The following ST6GAL2 variants were observed in gnomAD, a reference collection of about 807,000 sequenced individuals.
The protein encoded by ST6GAL2 is beta-galactoside alpha-2,6-sialyltransferase 2.
In ST6GAL2, 24 loss-of-function variants were observed where a neutral mutation model predicts 37.5. That is an observed-to-expected ratio of 0.64 (90% confidence interval 0.46 to 0.90). The LOEUF (loss-of-function observed/expected upper bound fraction) is 0.90, where lower values mean the gene tolerates loss of function less well. ST6GAL2 is among the 40% of genes least tolerant of loss of function. The pLI, the probability that ST6GAL2 is intolerant of heterozygous loss-of-function variation, is 0.00. For missense variants in ST6GAL2, 715 were observed against 712.7 expected (o/e 1.00, Z -0.04); for synonymous variants, 306 against 295.1 (o/e 1.04, Z -0.38).
chr2:106,837,530 T>A (rs1229874219), intron 2 of ST6GAL2, among the ~76,000 whole-genome samples: 1 of 152,172 alleles, frequency 6.6e-6, no homozygotes, highest in African/African-American at 2.4e-5. Flanking sequence ...TTCCCACTGC[T>A]AAGCTAGGGA....
intron 5 of ST6GAL2, among the ~76,000 whole-genome samples, chr2:106,817,913 T>G (rs1194917745): frequency 6.6e-6 from 1 of 152,028 alleles, no homozygotes; most frequent in Non-Finnish European, 1.5e-5. Flanking sequence ...GGGCCTTAAA[T>G]GTACATTGGT....
At chr2:106,880,578 C>T (rs1474979573) in intron 1 of ST6GAL2, among the ~76,000 whole-genome samples, 3 of 152,200 alleles carry the variant, frequency 2.0e-5, no homozygotes, top group Non-Finnish European at 4.4e-5. Context: ...CATTCACATT[C>T]ACATATATGT....
At chr2:106,812,447 C>T (rs529613861) in intron 5 of ST6GAL2, among the ~76,000 whole-genome samples, 5 of 152,314 alleles carry the variant, frequency 3.3e-5, no homozygotes, top group African/African-American at 1.2e-4. Flanking sequence ...GCAGTCTCTG[C>T]CTGGCATGTA....
intron 2 of ST6GAL2, among the ~76,000 whole-genome samples, chr2:106,841,897 G>A (rs1446962103): frequency 6.6e-5 from 10 of 152,254 alleles, no homozygotes; most frequent in Non-Finnish European, 1.5e-4. Context: ...AATGTTGTGT[G>A]CCATCTTGGC....
At chr2:106,881,153 T>A (rs1017771326) in intron 1 of ST6GAL2, among the ~76,000 whole-genome samples, 1 of 151,990 alleles carries the variant, frequency 6.6e-6, no homozygotes, top group Admixed American at 6.6e-5. Flanking sequence ...ACCTAGCTAA[T>A]TTTTGAAAAT....
At chr2:106,874,263 G>A (rs1276090200) in intron 1 of ST6GAL2, among the ~76,000 whole-genome samples, 1 of 152,146 alleles carries the variant, frequency 6.6e-6, no homozygotes, top group East Asian at 1.9e-4. Context: ...GTGTGTGTCA[G>A]AAAAGGCTTG....
At position 106,814,995 on chromosome 2, in the gene ST6GAL2, T is replaced by C. The variant is rs571707408; in HGVS notation, c.1319-8046A>G. ...GTTGTTCCAAAGAAACGAGTCCTTA[T>C]GGATCATCTAAATTACCCTGATTCA... On this transcript the variant is annotated intron_variant, in intron 5 of 5. Coordinates refer to ENST00000409382, the MANE Select transcript of ST6GAL2 (RefSeq NM_001142351.2). 4.6e-5 allele frequency among the ~76,000 whole-genome samples: 7 copies of C among 152,330 alleles called. No homozygotes were observed. The South Asian group carries it at 1.0e-3, about 23-fold the overall frequency.
rs1209309292 is a variant in ST6GAL2 at position 106,803,456 on chromosome 2, GA to G, written c.*3221del. 2.0e-5 allele frequency: 3 copies of G among 152,188 alleles called. No individual in the cohort carries two copies. The highest frequency in any genetic ancestry group is 4.4e-5 in the Non-Finnish European group (3 of 68,046). 9.4% of individuals were successfully genotyped at this position (152,188 alleles called of 1,614,324 possible). On this transcript the variant is annotated 3_prime_UTR_variant, in exon 6 of 6. Coordinates refer to ENST00000409382, the MANE Select transcript of ST6GAL2 (RefSeq NM_001142351.2). ...GAGCAGCTCTATAAGGACATAGTGA[GA>G]AAGGTCAGCTCCCTGGGACGAGCAT...
intron 1 of ST6GAL2, among the ~76,000 whole-genome samples, chr2:106,878,481 G>T (rs1029181095): frequency 6.6e-6 from 1 of 151,936 alleles, no homozygotes; most frequent in African/African-American, 2.4e-5. Context: ...CAAAGACCAG[G>T]CTGAGCGTGG....
At chr2:106,857,782 G>T (rs1677636917) in intron 1 of ST6GAL2, among the ~76,000 whole-genome samples, 1 of 152,054 alleles carries the variant, frequency 6.6e-6, no homozygotes, top group Admixed American at 6.5e-5. Context: ...TCTGTCCGTA[G>T]AGTGGCCTCT....
At chr2:106,840,035 G>C (rs73949780) in intron 2 of ST6GAL2, among the ~76,000 whole-genome samples, 2 of 152,306 alleles carry the variant, frequency 1.3e-5, no homozygotes, top group African/African-American at 4.8e-5. Flanking sequence ...CAAACACCAG[G>C]GGGAGCGAAA....
chr2:106,808,865 G>A (rs1675513178), intron 5 of ST6GAL2, among the ~76,000 whole-genome samples: 1 of 152,130 alleles, frequency 6.6e-6, no homozygotes. Context: ...AAACTAGCTG[G>A]GCATGGTGGC....
chr2:106,876,049 T>C (rs1678490631), intron 1 of ST6GAL2, among the ~76,000 whole-genome samples: 1 of 152,186 alleles, frequency 6.6e-6, no homozygotes, highest in Non-Finnish European at 1.5e-5. Flanking sequence ...ACTGCAATCT[T>C]GAACTCCTCT....
chr2:106,848,487 C>T (rs973976945), intron 1 of ST6GAL2, among the ~76,000 whole-genome samples: 7 of 152,132 alleles, frequency 4.6e-5, no homozygotes, highest in African/African-American at 1.7e-4. Context: ...TTTTTAAAAA[C>T]AGAGGCAAAG....
At position 106,806,572 on chromosome 2, in the gene ST6GAL2, T is replaced by C; in HGVS notation, c.*106A>G. The C allele has an allele frequency of 7.7e-7, 1 of 1,299,606 alleles. No individual in the cohort carries two copies. The allele number at this position is 1,299,606 out of a possible 1,614,324, so 80.5% of individuals were successfully genotyped here. ...TCATGACCACCACTAAATTACTGTT[T>C]AAAGACTCAAAACTACACTGTCTAA... On this transcript the variant is annotated 3_prime_UTR_variant, in exon 6 of 6. Transcript: ENST00000409382.
intron 1 of ST6GAL2, among the ~76,000 whole-genome samples, chr2:106,874,649 G>C (rs1441535099): frequency 6.6e-6 from 1 of 152,136 alleles, no homozygotes; most frequent in Non-Finnish European, 1.5e-5. Context: ...TTAGCTATAA[G>C]CAGTGCACTG....
chr2:106,869,240 G>C (rs926953956), intron 1 of ST6GAL2, among the ~76,000 whole-genome samples: 1 of 152,028 alleles, frequency 6.6e-6, no homozygotes, highest in African/African-American at 2.4e-5. Context: ...TGGAGGGGAG[G>C]GGCACCTTTC....
rs910415356 is a variant in ST6GAL2, at chr2:106,803,609, T to G, written c.*3069A>C. 2 of 107,646 alleles carry G rather than the reference T, an allele frequency of 1.9e-5. No homozygotes were observed. The highest frequency in any genetic ancestry group is 3.7e-5 in the Non-Finnish European group (2 of 53,806). 6.7% of individuals were successfully genotyped at this position (107,646 alleles called of 1,614,324 possible). ...TCATTGCTGCTCAAAATTTGTTTCT[T>G]TGTAACAACAACAACAACAACAACA... On this transcript the variant is annotated 3_prime_UTR_variant, in exon 6 of 6. Transcript: ENST00000409382.
rs141526151 is a variant in ST6GAL2, at chr2:106,864,879, T to C, written c.-57-20845A>G. On this transcript the variant is annotated intron_variant, in intron 1 of 5. Transcript: ENST00000409382. ...TCCAAAAGGAACTCCGACAGTAAATTTGATTCCTACTCAGTAGTGTGCTAT... is the reference window on the plus strand; with the variant it reads ...TCCAAAAGGAACTCCGACAGTAAATCTGATTCCTACTCAGTAGTGTGCTAT... Among the ~76,000 whole-genome samples, 272 of 152,308 alleles carry C rather than the reference T, an allele frequency of 1.8e-3. 1 individual carries two copies. The highest frequency in any genetic ancestry group is 5.6e-3 in the African/African-American group (231 of 41,566).
Sources: allele counts gnomAD v4.1 joint callset (sites outside exome capture counted in the v4.1 genomes callset), GRCh38; gene constraint gnomAD v4.1.1; transcripts MANE v1.5; gene names NCBI Gene and HGNC (gene_info 2026-07-23, HGNC 2026-07-21).